CLDN16: variants seen among roughly 807,000 people sequenced by gnomAD.
CLDN16 encodes the protein claudin 16.
A neutral mutation model predicts 24.6 loss-of-function variants in CLDN16; 13 were observed. The observed-to-expected ratio is 0.53, with a 90% CI of 0.34 to 0.84. The LOEUF (loss-of-function observed/expected upper bound fraction) is 0.84. Ranked by LOEUF, CLDN16 falls within the 40% of genes least tolerant of loss-of-function variation. The pLI, the probability that CLDN16 is intolerant of heterozygous loss-of-function variation, is 0.01. For missense variants in CLDN16, 298 were observed against 292.7 expected (o/e 1.02, Z -0.13); for synonymous variants, 116 against 106.7 (o/e 1.09, Z -0.54).
At chr3:190,344,160 A>G (rs1717500386) in intron 1 of CLDN16, among the ~76,000 whole-genome samples, 1 of 151,994 alleles carries the variant, frequency 6.6e-6, no homozygotes, top group African/African-American at 2.4e-5. Flanking sequence ...CTTTGAAAGC[A>G]CGTATGAAGA....
chr3:190,369,803 C>T (rs116901787), intron 1 of CLDN16, among the ~76,000 whole-genome samples: 6 of 151,942 alleles, frequency 3.9e-5, no homozygotes, highest in East Asian at 3.9e-4. Context: ...CAAAATCTTA[C>T]GAAAGAATGG....
At chr3:190,408,629 A>G (rs540123846) in intron 4 of CLDN16, 124 bp downstream of exon 4, 1 of 899,632 alleles carries the variant, frequency 1.1e-6, no homozygotes, top group South Asian at 1.5e-5. Context: ...GCCATTAAAA[A>G]TTCCAATTGT....
At chr3:190,403,196 G>C (rs370568505) in intron 2 of CLDN16, among the ~76,000 whole-genome samples, 1 of 152,084 alleles carries the variant, frequency 6.6e-6, no homozygotes, top group South Asian at 2.1e-4. Flanking sequence ...GCTCATCATG[G>C]TGGTGGGAGC....
At chr3:190,373,513 G>A (rs772571450) in intron 2 of CLDN16, among the ~76,000 whole-genome samples, 1 of 152,036 alleles carries the variant, frequency 6.6e-6, no homozygotes, top group Non-Finnish European at 1.5e-5. Flanking sequence ...TTAACATAAA[G>A]GCTGTAAGAA....
intron 1 of CLDN16, among the ~76,000 whole-genome samples, chr3:190,338,317 G>A (rs1029499129): frequency 2.0e-5 from 3 of 152,174 alleles, no homozygotes; most frequent in East Asian, 3.9e-4. Flanking sequence ...AGCAAGAAAA[G>A]GAATTATTAT....
At chr3:190,334,873 A>G (rs1050569563) in intron 1 of CLDN16, among the ~76,000 whole-genome samples, 2 of 152,250 alleles carry the variant, frequency 1.3e-5, no homozygotes, top group Non-Finnish European at 2.9e-5. Context: ...GACCTATGCA[A>G]TGGTGGAACA....
upstream of CLDN16, among the ~76,000 whole-genome samples, chr3:190,386,211 C>T (rs1424501225): frequency 6.6e-6 from 1 of 152,162 alleles, no homozygotes; most frequent in Non-Finnish European, 1.5e-5. Context: ...CTGTGACTCA[C>T]CAAAGCAGCA....
the CLDN16 span, among the ~76,000 whole-genome samples, chr3:190,314,458 G>A: frequency 1.4e-4 from 21 of 152,028 alleles, no homozygotes; most frequent in Non-Finnish European, 8.8e-5. Context: ...GCAGTGGTGC[G>A]ATATGGGCTC....
rs751959432 is a variant in CLDN16, at chr3:190,402,444, G to A, written c.217+5G>A. ...CCATACTTGCGGAGCATCCCTGTAC[G>A]TATGCCTTAGAGCTCACTGCTTGCC... On this transcript the variant is annotated splice_donor_5th_base_variant and intron_variant, in intron 2 of 4. Coordinates refer to ENST00000264734, the MANE Select transcript of CLDN16 (RefSeq NM_006580.4). The A allele has an allele frequency of 1.8e-5, 29 of 1,599,654 alleles. No homozygotes were observed. The highest frequency in any genetic ancestry group is 2.3e-5 in the Non-Finnish European group (27 of 1,167,150).
At chr3:190,387,959 C>G, upstream of CLDN16, 1 of 687,252 alleles carries the variant, frequency 1.5e-6, no homozygotes, top group East Asian at 2.7e-5. Flanking sequence ...GGGTGGGACC[C>G]TTCCTCCTTC....
chr3:190,294,046 T>C, the CLDN16 span, among the ~76,000 whole-genome samples: 1 of 152,230 alleles, frequency 6.6e-6, no homozygotes, highest in Non-Finnish European at 1.5e-5. Context: ...TTGAAAAGTC[T>C]TGACAGAATG....
intron 1 of CLDN16, among the ~76,000 whole-genome samples, chr3:190,340,990 G>A (rs1040951496): frequency 3.3e-5 from 5 of 152,236 alleles, no homozygotes; most frequent in Admixed American, 2.0e-4. Flanking sequence ...GCTGATGCAA[G>A]AGGTGGGTTC....
chr3:190,328,520 G>A (rs114948634), intron 1 of CLDN16, among the ~76,000 whole-genome samples: 304 of 152,190 alleles, frequency 2.0e-3, no homozygotes, highest in Non-Finnish European at 3.5e-3. Context: ...TCTGGAACTT[G>A]GAAAGTGTTT....
chr3:190,355,842 T>C (rs1001907418), intron 1 of CLDN16, among the ~76,000 whole-genome samples: 6 of 151,840 alleles, frequency 4.0e-5, no homozygotes, highest in South Asian at 4.1e-4. Context: ...TGAAGCATTT[T>C]TTTAGGTCCA....
chr3:190,404,618 TA>T (rs1719042884), intron 2 of CLDN16, 143 bp from the exon 3 acceptor site: 2 of 771,924 alleles, frequency 2.6e-6, no homozygotes, highest in East Asian at 5.1e-5. Context: ...TAGGGGTACT[TA>T]TGTTCAAGTT....
the CLDN16 span, among the ~76,000 whole-genome samples, chr3:190,294,648 A>G: frequency 2.4e-3 from 369 of 152,258 alleles, 2 homozygotes; most frequent in African/African-American, 8.6e-3. Context: ...AATATATTCA[A>G]TAAACAAAGC....
the CLDN16 span, among the ~76,000 whole-genome samples, chr3:190,299,151 A>G: frequency 4.6e-5 from 7 of 152,222 alleles, no homozygotes; most frequent in East Asian, 1.4e-3. Context: ...TTAAAATTAC[A>G]TTTTTCATTA....
chr3:190,327,022 A>C (rs1355940026), intron 1 of CLDN16, among the ~76,000 whole-genome samples: 1 of 152,148 alleles, frequency 6.6e-6, no homozygotes, highest in Non-Finnish European at 1.5e-5. Flanking sequence ...AGAATAGACT[A>C]CATGTGTGTA....
At chr3:190,348,691 GT>G (rs1220797545) in intron 1 of CLDN16, among the ~76,000 whole-genome samples, 2 of 152,122 alleles carry the variant, frequency 1.3e-5, no homozygotes, top group East Asian at 3.8e-4. Flanking sequence ...AAGGTCAGGG[GT>G]ACATGTGCAG....
Sources: allele counts gnomAD v4.1 joint callset (sites outside exome capture counted in the v4.1 genomes callset), GRCh38; gene constraint gnomAD v4.1.1; transcripts MANE v1.5; gene names NCBI Gene and HGNC (gene_info 2026-07-23, HGNC 2026-07-21).